Variants in SHPRH observed in about 807,000 individuals in gnomAD.
SHPRH encodes the protein E3 ubiquitin-protein ligase SHPRH.
Under a neutral mutation model 202.5 loss-of-function variants are expected in SHPRH, and 106 were observed. That is an observed-to-expected ratio of 0.52 (90% CI 0.45 to 0.62). The LOEUF (loss-of-function observed/expected upper bound fraction) is 0.62. SHPRH is among the 20% of genes least tolerant of loss of function. SHPRH has a pLI of 0.00. For synonymous variants in SHPRH, 729 were observed against 686.0 expected (o/e 1.06, Z -0.98); for missense variants, 1,710 against 2,020.0 (o/e 0.85, Z 2.94).
At chr6:145,880,754 A>G (rs890425434), downstream of SHPRH, among the ~76,000 whole-genome samples, 1 of 151,902 alleles carries the variant, frequency 6.6e-6, no homozygotes, top group African/African-American at 2.4e-5. Flanking sequence ...ATTACAAAAT[A>G]TAATAAGTTA....
At chr6:145,888,769 G>A (rs748456440) in intron 28 of SHPRH, among the ~76,000 whole-genome samples, 3 of 152,168 alleles carry the variant, frequency 2.0e-5, no homozygotes, top group Non-Finnish European at 2.9e-5. Context: ...CAGTTAAGAA[G>A]TCCTGTAGTC....
intron 26 of SHPRH, 39 bp from the exon 27 acceptor site, chr6:145,894,275 C>A (rs372322447): frequency 4.1e-6 from 6 of 1,457,770 alleles, no homozygotes; most frequent in Non-Finnish European, 5.6e-6. Flanking sequence ...AATATTTACA[C>A]GTAGCCTTTA....
chr6:145,953,405 C>T (rs1163164037), intron 2 of SHPRH, among the ~76,000 whole-genome samples: 10 of 151,908 alleles, frequency 6.6e-5, no homozygotes, highest in South Asian at 6.2e-4. Flanking sequence ...CTGTAGGGAA[C>T]GTAGATAGAA....
chr6:145,859,383 CA>C (rs1319021809), downstream of SHPRH, among the ~76,000 whole-genome samples: 1 of 151,906 alleles, frequency 6.6e-6, no homozygotes, highest in African/African-American at 2.4e-5. Context: ...TTTAGTATGG[CA>C]CTAGGCATCA....
intron 11 of SHPRH, among the ~76,000 whole-genome samples, chr6:145,937,093 C>T (rs1331328696): frequency 6.6e-6 from 1 of 151,030 alleles, no homozygotes; most frequent in African/African-American, 2.4e-5. Flanking sequence ...AAGCGATTCT[C>T]CTGCCTCAGC....
In SHPRH at chr6:145,947,512, T is replaced by C. The variant is rs1194895532; in HGVS notation, c.1193A>G (p.Asp398Gly). ...TCCTACCTCGGGAAGAGTGAGAGCA[T>C]CTTGCTTGACATCTTGTCGAGTATG... ...LTHTRQDVKQ[D>G]ALTLPEGKVV... The change falls in exon 6 of 30, where the codon GAT becomes GGT. Residue 398 changes from aspartate (D) to glycine (G), a missense_variant. Transcript: ENST00000275233. 2.5e-6 allele frequency: 4 copies of C among 1,612,742 alleles called. No individual in the cohort carries two copies. Among genetic ancestry groups the C allele is most frequent in the Non-Finnish European group, 3.4e-6 (4 of 1,179,132 alleles).
In SHPRH at chr6:145,955,011, A is replaced by G. The variant is rs1788357398; in HGVS notation, c.312T>C (p.Ser104=). The G allele has an allele frequency of 6.2e-7, 1 of 1,613,622 alleles. No individual in the cohort carries two copies. The highest frequency in any genetic ancestry group is 8.5e-7 in the Non-Finnish European group (1 of 1,179,898). The stretch of plus-strand genomic sequence containing the variant: ...TCCAGGAATTATCAAAATGATAGGG[A>G]GAAATCACAATATTTAACTTTACAG... ...PLSVKLNIVI[S]PYHFDNSWKA... The change falls in exon 2 of 30, where the codon TCT becomes TCC. Residue 104 remains serine (S), a synonymous_variant. Coordinates refer to ENST00000275233, the MANE Select transcript of SHPRH (RefSeq NM_001042683.3).
At chr6:145,888,486 T>C (rs1191760783) in intron 28 of SHPRH, among the ~76,000 whole-genome samples, 1 of 152,058 alleles carries the variant, frequency 6.6e-6, no homozygotes, top group Admixed American at 6.6e-5. Flanking sequence ...AAGCCTAACA[T>C]GTTCAAGAGG....
rs191209332 is a variant in SHPRH at position 145,898,319 on chromosome 6, T to C, written c.4516-3342A>G. Among the ~76,000 whole-genome samples the C allele has an allele frequency of 8.5e-5, 13 of 152,150 alleles. No individual in the cohort carries two copies. In the East Asian group the frequency reaches 1.7e-3, roughly 20 times the overall value. ...CCTGTACACTGAAAACTATGAAACA[T>C]TAATAAAAAAATTAAAGAGAACACA... On this transcript the variant is annotated intron_variant, in intron 25 of 29. Coordinates refer to ENST00000275233, the MANE Select transcript of SHPRH (RefSeq NM_001042683.3).
chr6:145,944,680 G>A (rs1395753919), intron 8 of SHPRH, among the ~76,000 whole-genome samples: 4 of 152,126 alleles, frequency 2.6e-5, no homozygotes, highest in Admixed American at 6.5e-5. Context: ...CTTGGTGGCC[G>A]AGCTGGTAGC....
In SHPRH at chr6:145,933,183, A is replaced by G. The variant is rs768402465; in HGVS notation, c.2991-5T>C. ...AGCTCTTCCATTGTCATGGTGCTAA[A>G]AGAAAAGGTAGACTGTTCAAAACTA... On this transcript the variant is annotated splice_region_variant and splice_polypyrimidine_tract_variant and intron_variant, in intron 13 of 29. Coordinates refer to ENST00000275233, the MANE Select transcript of SHPRH (RefSeq NM_001042683.3). 115 of 1,613,754 alleles carry G rather than the reference A, an allele frequency of 7.1e-5. No homozygotes were observed. Among genetic ancestry groups the G allele is most frequent in the Non-Finnish European group, 9.2e-5 (109 of 1,179,900 alleles).
At chr6:145,916,226 C>A (rs1043901358) in intron 23 of SHPRH, among the ~76,000 whole-genome samples, 7 of 151,940 alleles carry the variant, frequency 4.6e-5, no homozygotes, top group East Asian at 3.9e-4. Flanking sequence ...TCCAGTTTTC[C>A]TTTTCCTTTC....
In SHPRH at chr6:145,893,221, T is replaced by C. The variant is rs1781720183; in HGVS notation, c.4868A>G (p.Gln1623Arg). Residue 1623 changes from glutamine (Q) to arginine (R), a missense_variant, in exon 28 of 30, where the codon CAG (glutamine) becomes CGG (arginine). Gln to Arg is a conservative substitution (Grantham distance 43, BLOSUM62 1). Transcript: ENST00000275233. ...TTCTAATTTTAGTCCTTACTTTGTC[T>C]GTCCAATTCGGTGCACCCTCCCTAT... ...QAIGRVHRIG[Q>R]TKPTIVHRFL... The C allele has an allele frequency of 1.3e-6, 2 of 1,521,212 alleles. No individual in the cohort carries two copies. Among genetic ancestry groups the C allele is most frequent in the African/African-American group, 1.4e-5 (1 of 70,376 alleles). 94.2% of individuals were successfully genotyped at this position (1,521,212 alleles called of 1,614,324 possible).
In SHPRH at chr6:145,955,313, G is replaced by A. The variant is rs1057495153; in HGVS notation, c.10C>T (p.Arg4Ter). The A allele has an allele frequency of 2.5e-6, 4 of 1,592,872 alleles. No homozygotes were observed. The highest frequency in any genetic ancestry group is 2.2e-5 in the East Asian group (1 of 44,624). The change falls in exon 2 of 30, where the codon CGA becomes TGA. Residue 4 changes from arginine (R) to a stop codon, truncating the protein, a stop_gained. Coordinates refer to ENST00000275233, the MANE Select transcript of SHPRH (RefSeq NM_001042683.3). LOFTEE classifies it high-confidence loss of function. MSS[R>*]RKRAPPVRVD... is the part of the protein sequence containing the mutation. The stretch of plus-strand genomic sequence containing the variant: ...CTCACTGGAGGAGCACGTTTCCGTC[G>A]GCTGCTCATTTTCAAGTTTTCTTGG...
chr6:145,962,902 T>C (rs1029683818), intron 1 of SHPRH, among the ~76,000 whole-genome samples: 1 of 152,186 alleles, frequency 6.6e-6, no homozygotes, highest in African/African-American at 2.4e-5. Context: ...AATATGCTAG[T>C]TACATAAACT....
At chr6:145,929,224 T>A (rs1165020037) in intron 14 of SHPRH, among the ~76,000 whole-genome samples, 2 of 151,966 alleles carry the variant, frequency 1.3e-5, no homozygotes, top group African/African-American at 4.8e-5. Context: ...GAAATACCCA[T>A]TCTCAGCCAC....
chr6:145,893,434 T>G (rs1479321262), intron 27 of SHPRH, 41 bp from the exon 28 acceptor site: 2 of 1,485,474 alleles, frequency 1.3e-6, no homozygotes, highest in African/African-American at 1.4e-5. Flanking sequence ...CTCGATCAGT[T>G]AAAATAAGAG....
intron 23 of SHPRH, among the ~76,000 whole-genome samples, chr6:145,915,087 A>G (rs540899191): frequency 6.8e-6 from 1 of 147,856 alleles, no homozygotes; most frequent in South Asian, 2.1e-4. Context: ...AATTTTATAA[A>G]TTTTAATAAA....
chr6:145,940,582 G>T (rs747004557), intron 11 of SHPRH, 141 bp downstream of exon 11: 3 of 749,706 alleles, frequency 4.0e-6, no homozygotes, highest in Admixed American at 5.8e-5. Context: ...ATAAATGCTT[G>T]AAACTATTAG....
Sources: gnomAD v4.1 joint callset for allele counts (sites outside exome capture counted in the v4.1 genomes callset) on GRCh38, gnomAD v4.1.1 for gene constraint, MANE v1.5 for transcripts, NCBI Gene and HGNC (gene_info 2026-07-23, HGNC 2026-07-21) for gene names.